The following JAKMIP2 variants were observed in gnomAD, a reference collection of about 807,000 sequenced individuals.
JAKMIP2 encodes janus kinase and microtubule interacting protein 2.
A neutral mutation model predicts 115.0 loss-of-function variants in JAKMIP2; 25 were observed. The ratio of observed to expected loss-of-function variants is 0.22; its 90% confidence interval spans 0.16 to 0.30. The LOEUF (loss-of-function observed/expected upper bound fraction) is 0.30, where lower values mean the gene tolerates loss of function less well. Ranked by LOEUF, JAKMIP2 falls within the 10% of genes least tolerant of loss-of-function variation. JAKMIP2 has a pLI of 1.00. For missense variants in JAKMIP2, 642 were observed against 957.6 expected (o/e 0.67, Z 4.35); for synonymous variants, 334 against 343.6 (o/e 0.97, Z 0.31).
intron 17 of JAKMIP2, among the ~76,000 whole-genome samples, chr5:147,621,587 T>C (rs1022851854): frequency 3.9e-5 from 6 of 152,250 alleles, no homozygotes; most frequent in African/African-American, 1.4e-4. Flanking sequence ...TTTGTGTTTT[T>C]AAAGAGCTTT....
intron 3 of JAKMIP2, among the ~76,000 whole-genome samples, chr5:147,656,789 T>C (rs572914752): frequency 1.3e-5 from 2 of 152,358 alleles, no homozygotes; most frequent in South Asian, 4.1e-4. Context: ...GTCATTGGTC[T>C]TTATATTTTG....
intron 13 of JAKMIP2, among the ~76,000 whole-genome samples, chr5:147,632,357 A>T (rs1275803286): frequency 6.6e-6 from 1 of 152,212 alleles, no homozygotes; most frequent in Non-Finnish European, 1.5e-5. Context: ...AAAAACAACG[A>T]ATGTTGAGGA....
At chr5:147,654,850 G>A (rs1332279122) in intron 3 of JAKMIP2, among the ~76,000 whole-genome samples, 1 of 152,100 alleles carries the variant, frequency 6.6e-6, no homozygotes, top group African/African-American at 2.4e-5. Flanking sequence ...CTATGGGTTT[G>A]TCATAAATAA....
chr5:147,695,675 T>C (rs1231247979), intron 1 of JAKMIP2, among the ~76,000 whole-genome samples: 1 of 144,098 alleles, frequency 6.9e-6, no homozygotes, highest in South Asian at 2.5e-4. Flanking sequence ...TGTGTGTGTG[T>C]GTGAGAGAGA....
chr5:147,645,076 C>T (rs1758070171), intron 5 of JAKMIP2, 80 bp from the exon 6 acceptor site: 25 of 1,378,452 alleles, frequency 1.8e-5, no homozygotes, highest in Non-Finnish European at 2.5e-5. Context: ...GGAGTGAAAG[C>T]ACCTCTGGAG....
At position 147,671,752 on chromosome 5, in the gene JAKMIP2, G is replaced by A. The variant is rs761597569; in HGVS notation, c.55C>T (p.Leu19Phe). 6 of 1,591,522 alleles carry A rather than the reference G, an allele frequency of 3.8e-6. No homozygotes were observed. Among genetic ancestry groups the A allele is most frequent in the Non-Finnish European group, 5.1e-6 (6 of 1,168,354 alleles). Residue 19 changes from leucine (L) to phenylalanine (F), a missense_variant, in exon 2 of 22, where the codon CTT (leucine) becomes TTT (phenylalanine). Leu to Phe is a conservative substitution (Grantham distance 22). Around this residue, in one of 6 missense-constraint regions of JAKMIP2, gnomAD observed 439 missense variants for 570.9 expected, o/e 0.77. Transcript: ENST00000616793. The stretch of plus-strand genomic sequence containing the variant: ...CTGAGGTCTTCATTGGCAGCTTGAA[G>A]GGCAACAATGAGTGCCTCGGGCTTC... ...GEKPEALIVA[L>F]QAANEDLRTK...
rs1442882460 is a variant in JAKMIP2 at position 147,589,634 on chromosome 5, G to A, written c.*2073C>T. The A allele has an allele frequency of 6.6e-6, 1 of 152,150 alleles. No individual in the cohort carries two copies. Among genetic ancestry groups the A allele is most frequent in the Non-Finnish European group, 1.5e-5 (1 of 68,046 alleles). 9.4% of individuals were successfully genotyped at this position (152,150 alleles called of 1,614,324 possible). On this transcript the variant is annotated 3_prime_UTR_variant, in exon 22 of 22. Coordinates refer to ENST00000616793, the MANE Select transcript of JAKMIP2 (RefSeq NM_001270941.2). ...AAAGTGGGGTTCTGTATGATGGCAT[G>A]CATATGCAATCAAGAGAGCTGGGAG...
chr5:147,779,456 T>C lies in JAKMIP2; in HGVS notation c.-149+3000A>G, dbSNP rs2127095310. ...ACAACTTGATGGCCCTTGAATTACT[T>C]TGTACAAAGACCCCATTAAATAACA... On this transcript the variant is annotated intron_variant, in intron 1 of 21. Transcript: ENST00000616793. Among the ~76,000 whole-genome samples the C allele has an allele frequency of 2.0e-5, 3 of 152,188 alleles. No homozygotes were observed. In the Middle Eastern group the frequency reaches 0.01, roughly 518 times the overall value.
intron 16 of JAKMIP2, 112 bp from the exon 17 acceptor site, chr5:147,623,801 G>A: frequency 3.3e-6 from 2 of 608,616 alleles, no homozygotes; most frequent in South Asian, 4.3e-5. Context: ...GAAGAAGACT[G>A]AGAACTGAAG....
intron 1 of JAKMIP2, among the ~76,000 whole-genome samples, chr5:147,688,620 T>C (rs1274022868): frequency 6.6e-6 from 1 of 152,150 alleles, no homozygotes; most frequent in Non-Finnish European, 1.5e-5. Context: ...CTGCTCAGTG[T>C]TGGTAAGCAA....
At chr5:147,681,682 A>G (rs532851366) in intron 1 of JAKMIP2, among the ~76,000 whole-genome samples, 7 of 152,246 alleles carry the variant, frequency 4.6e-5, no homozygotes, top group South Asian at 4.1e-4. Flanking sequence ...CAGTGTGATA[A>G]TCATACAGAG....
At chr5:147,735,342 C>A (rs956755112) in intron 1 of JAKMIP2, among the ~76,000 whole-genome samples, 1 of 152,026 alleles carries the variant, frequency 6.6e-6, no homozygotes, top group Non-Finnish European at 1.5e-5. Context: ...AAAGATATAC[C>A]CAAGACTGGG....
rs372740999 is a variant in JAKMIP2 at position 147,778,364 on chromosome 5, T to C, written c.-149+4092A>G. ...GCACATAGTTAGTGTATTTGGCAAT[T>C]AAATATGGCCAAAGAACAAATTTTG... is the stretch of plus-strand genomic sequence containing the variant. On this transcript the variant is annotated intron_variant, in intron 1 of 21. Coordinates refer to ENST00000616793, the MANE Select transcript of JAKMIP2 (RefSeq NM_001270941.2). Among the ~76,000 whole-genome samples the C allele has an allele frequency of 1.6e-4, 25 of 152,254 alleles. 1 individual carries two copies. Among genetic ancestry groups the C allele is most frequent in the African/African-American group, 6.0e-4 (25 of 41,582 alleles).
At chr5:147,634,940 T>A (rs1265860606) in intron 12 of JAKMIP2, among the ~76,000 whole-genome samples, 2 of 152,202 alleles carry the variant, frequency 1.3e-5, no homozygotes, top group African/African-American at 4.8e-5. Flanking sequence ...TAACTTTGGA[T>A]TGACCTACAC....
chr5:147,693,057 C>T (rs901740953), intron 1 of JAKMIP2, among the ~76,000 whole-genome samples: 2 of 152,106 alleles, frequency 1.3e-5, no homozygotes, highest in African/African-American at 4.8e-5. Context: ...TTGAGGGAAA[C>T]AGTAAAATTA....
intron 9 of JAKMIP2, 36 bp from the exon 10 acceptor site, chr5:147,639,796 G>A (rs1757793651): frequency 3.1e-6 from 5 of 1,605,166 alleles, no homozygotes; most frequent in Non-Finnish European, 4.2e-6. Context: ...AAACAATTGT[G>A]TTATGTTCAG....
At chr5:147,621,081 T>C (rs1254461483) in intron 17 of JAKMIP2, among the ~76,000 whole-genome samples, 1 of 152,230 alleles carries the variant, frequency 6.6e-6, no homozygotes, top group African/African-American at 2.4e-5. Flanking sequence ...TATATTTTTG[T>C]AAGAATGTGA....
At chr5:147,746,493 T>C (rs1295567724) in intron 1 of JAKMIP2, among the ~76,000 whole-genome samples, 2 of 151,788 alleles carry the variant, frequency 1.3e-5, no homozygotes, top group South Asian at 2.1e-4. Context: ...AAATATAATA[T>C]ACAAAACATA....
At chr5:147,626,705 A>T (rs1757113612) in intron 16 of JAKMIP2, among the ~76,000 whole-genome samples, 1 of 152,218 alleles carries the variant, frequency 6.6e-6, no homozygotes, top group South Asian at 2.1e-4. Flanking sequence ...GCACCCACAC[A>T]GGGCAGGGAG....
Sources: gnomAD v4.1 joint callset for allele counts (sites outside exome capture counted in the v4.1 genomes callset) on GRCh38, gnomAD v4.1.1 for gene constraint, gnomAD v4.1.1 regional missense constraint, MANE v1.5 for transcripts, NCBI Gene and HGNC (gene_info 2026-07-23, HGNC 2026-07-21) for gene names.